Variants in ATG7 observed in about 807,000 individuals in gnomAD.
ATG7 encodes autophagy related 7.
In ATG7, 70 loss-of-function variants were observed where a neutral mutation model predicts 82.4. That is an observed-to-expected ratio of 0.85 (90% CI 0.70 to 1.04). ATG7 has a LOEUF of 1.04. Ranked by LOEUF, ATG7 falls within the 50% of genes least tolerant of loss-of-function variation. The pLI is 0.00. For synonymous variants in ATG7, 287 were observed against 313.0 expected, an observed-to-expected ratio of 0.92 and a Z score of 0.88; for missense variants, 792 against 864.3, an observed-to-expected ratio of 0.92 and a Z score of 1.05.
intron 20 of ATG7, among the ~76,000 whole-genome samples, chr3:11,509,213 TA>T: frequency 6.6e-6 from 1 of 152,346 alleles, no homozygotes; most frequent in East Asian, 1.9e-4. Flanking sequence ...TTTTAGCTTA[TA>T]AACATAGAGT....
chr3:11,337,729 G>C lies in ATG7; in HGVS notation c.890-2916G>C, dbSNP rs146214111. Among the ~76,000 whole-genome samples the C allele has an allele frequency of 1.1e-4, 17 of 152,070 alleles. No homozygotes were observed. The East Asian group carries it at 3.1e-3, about 28-fold the overall frequency. The stretch of plus-strand genomic sequence containing the variant: ...ACTCCTGGGCTAAATCCTTCCTCCT[G>C]CAATCTTTCCTCCTGCCTTAGCCTC... On this transcript the variant is annotated intron_variant, in intron 11 of 20. Transcript: ENST00000693202.
downstream of ATG7, among the ~76,000 whole-genome samples, chr3:11,561,125 A>AC (rs60878177): frequency 1.8e-3 from 263 of 147,184 alleles, no homozygotes; most frequent in East Asian, 0.014. Context: ...GCTCTAGGAG[A>AC]CCCCCCCCCA....
intron 20 of ATG7, among the ~76,000 whole-genome samples, chr3:11,522,501 G>GTTC (rs2092468793): frequency 6.6e-6 from 1 of 152,182 alleles, no homozygotes; most frequent in African/African-American, 2.4e-5. Context: ...ACTGTGCACA[G>GTTC]TTCTGCAGGT....
Position 11,439,071 on chromosome 3 carries a change from T to TC in ATG7, c.2079+12145_2079+12146insC, listed in dbSNP as rs1200164000. Among the ~76,000 whole-genome samples, 46 of 143,198 alleles carry TC rather than the reference T, an allele frequency of 3.2e-4. 2 individuals carry two copies. In the Middle Eastern group the frequency reaches 0.021, roughly 67 times the overall value. 93.9% of individuals were successfully genotyped at this position (143,198 alleles called of 152,430 possible). ...TTTTCTTTTTCTTTTCTTTCTTTCT[T>TC]TTTTTTTTTTTTTTTGAGACAGAGT... On this transcript the variant is annotated intron_variant, in intron 20 of 20. Transcript: ENST00000693202.
chr3:11,541,056 C>T (rs894797402), intron 20 of ATG7, among the ~76,000 whole-genome samples: 3 of 152,050 alleles, frequency 2.0e-5, no homozygotes, highest in Non-Finnish European at 4.4e-5. Context: ...CCCACCACCA[C>T]ACCTGGCTAA....
intron 13 of ATG7, among the ~76,000 whole-genome samples, chr3:11,346,260 A>G (rs1025510649): frequency 7.9e-5 from 12 of 152,192 alleles, no homozygotes; most frequent in Non-Finnish European, 1.8e-4. Context: ...CAGCATTAAC[A>G]TTGTTTCCAG....
chr3:11,417,815 A>ATTTTTTTTTTTTTTTTTT (rs372904207), intron 19 of ATG7, among the ~76,000 whole-genome samples: 1 of 64,954 alleles, frequency 1.5e-5, no homozygotes. Flanking sequence ...ATTTTATTTT[A>ATTTTTTTTTTTTTTTTTT]TTTTTTTTTT....
intron 19 of ATG7, among the ~76,000 whole-genome samples, chr3:11,404,485 A>G (rs2080143693): frequency 6.6e-6 from 1 of 151,294 alleles, no homozygotes; most frequent in Non-Finnish European, 1.5e-5. Flanking sequence ...AGCCATTAAT[A>G]CCTCTGCCTT....
At chr3:11,419,440 G>GCTA (rs1024810620) in intron 19 of ATG7, among the ~76,000 whole-genome samples, 1 of 152,144 alleles carries the variant, frequency 6.6e-6, no homozygotes, top group African/African-American at 2.4e-5. Context: ...TGTAATCCCA[G>GCTA]CTACTGGGGT....
intron 18 of ATG7, among the ~76,000 whole-genome samples, chr3:11,367,692 G>T (rs1036989414): frequency 6.6e-6 from 1 of 151,604 alleles, no homozygotes; most frequent in East Asian, 1.9e-4. Flanking sequence ...AATTCTGCCT[G>T]AAGAAACCTC....
intron 19 of ATG7, among the ~76,000 whole-genome samples, chr3:11,401,625 G>A (rs1453121381): frequency 3.9e-5 from 6 of 152,144 alleles, no homozygotes; most frequent in Non-Finnish European, 7.3e-5. Flanking sequence ...ATCATGCACA[G>A]AATGCCATAG....
chr3:11,528,165 A>G (rs1232470519), intron 20 of ATG7, among the ~76,000 whole-genome samples: 1 of 152,158 alleles, frequency 6.6e-6, no homozygotes, highest in Admixed American at 6.5e-5. Flanking sequence ...AAAGATAACC[A>G]TTTCACGGGG....
chr3:11,550,063 T>A (rs912929935), intron 20 of ATG7, among the ~76,000 whole-genome samples: 2 of 152,236 alleles, frequency 1.3e-5, no homozygotes, highest in Non-Finnish European at 2.9e-5. Flanking sequence ...AATCAAGTTT[T>A]TGTCTCTTTA....
At chr3:11,574,985 G>A in the ATG7 span, among the ~76,000 whole-genome samples, 5 of 152,062 alleles carry the variant, frequency 3.3e-5, no homozygotes, top group Admixed American at 2.6e-4. Context: ...TAGTGTTTGG[G>A]GAGGATGAAA....
intron 20 of ATG7, among the ~76,000 whole-genome samples, chr3:11,551,653 C>T (rs1440506994): frequency 1.3e-5 from 2 of 152,176 alleles, no homozygotes; most frequent in Non-Finnish European, 2.9e-5. Context: ...TGGTCTCAAA[C>T]TCCTGGCCTC....
At chr3:11,489,322 G>A (rs2090112773) in intron 20 of ATG7, among the ~76,000 whole-genome samples, 1 of 152,114 alleles carries the variant, frequency 6.6e-6, no homozygotes, top group South Asian at 2.1e-4. Flanking sequence ...GATTGGTGGT[G>A]ATATCCCCTT....
intron 20 of ATG7, among the ~76,000 whole-genome samples, chr3:11,539,121 T>C (rs1478631827): frequency 6.6e-6 from 1 of 151,844 alleles, no homozygotes; most frequent in East Asian, 1.9e-4. Flanking sequence ...GGTTGTAAAG[T>C]TGTGTTCTCC....
At chr3:11,523,062 T>C (rs1038943150) in intron 20 of ATG7, among the ~76,000 whole-genome samples, 1 of 152,192 alleles carries the variant, frequency 6.6e-6, no homozygotes, top group African/African-American at 2.4e-5. Flanking sequence ...ATGTTGTAAA[T>C]GTTGCTGACA....
chr3:11,281,632 G>T (rs553034659), intron 2 of ATG7, among the ~76,000 whole-genome samples: 1 of 152,052 alleles, frequency 6.6e-6, no homozygotes, highest in African/African-American at 2.4e-5. Flanking sequence ...AAATTACCTG[G>T]GCGTAGTGGC....
Sources: allele counts gnomAD v4.1 joint callset (sites outside exome capture counted in the v4.1 genomes callset), GRCh38; gene constraint gnomAD v4.1.1; transcripts MANE v1.5; gene names NCBI Gene and HGNC (gene_info 2026-07-23, HGNC 2026-07-21).